PLD1: variants seen among roughly 807,000 people sequenced by gnomAD.
PLD1 encodes the protein choline phosphatase 1.
PLD1 carries 112 observed loss-of-function variants against 137.1 expected under a neutral mutation model. The observed-to-expected ratio is 0.82, with a 90% CI of 0.70 to 0.96. The LOEUF is 0.96. Ranked by LOEUF, PLD1 falls within the 40% of genes least tolerant of loss-of-function variation. The pLI, the probability that PLD1 is intolerant of heterozygous loss-of-function variation, is 0.00. For missense variants in PLD1, 1,321 were observed against 1,342.0 expected (o/e 0.98, Z 0.24); for synonymous variants, 431 against 454.7 (o/e 0.95, Z 0.66).
chr3:171,619,627 C>T (rs773407075), intron 24 of PLD1, among the ~76,000 whole-genome samples: 2 of 152,166 alleles, frequency 1.3e-5, no homozygotes, highest in Non-Finnish European at 2.9e-5. Flanking sequence ...ATTTTACCAT[C>T]CTTCTGATTT....
intron 16 of PLD1, among the ~76,000 whole-genome samples, chr3:171,684,178 C>T (rs1259412469): frequency 2.0e-5 from 3 of 152,202 alleles, no homozygotes; most frequent in African/African-American, 7.2e-5. Context: ...GCGTGAGTTA[C>T]TTACTGGACT....
chr3:171,684,360 C>A (rs1387974485), intron 16 of PLD1, among the ~76,000 whole-genome samples: 9 of 152,126 alleles, frequency 5.9e-5, no homozygotes, highest in Non-Finnish European at 1.2e-4. Flanking sequence ...AAGGCACTAC[C>A]TGGAGCTGTT....
At chr3:171,667,564 A>G (rs1293660500) in intron 19 of PLD1, among the ~76,000 whole-genome samples, 1 of 152,226 alleles carries the variant, frequency 6.6e-6, no homozygotes, top group Non-Finnish European at 1.5e-5. Flanking sequence ...AGAAAGAAGC[A>G]AAAGGAGAGT....
At chr3:171,808,024 G>A (rs898849543) in intron 1 of PLD1, among the ~76,000 whole-genome samples, 3 of 152,136 alleles carry the variant, frequency 2.0e-5, no homozygotes, top group Non-Finnish European at 4.4e-5. Context: ...GGTAAACATT[G>A]GGTACTTATG....
At chr3:171,788,137 T>A (rs1390154294) in intron 1 of PLD1, among the ~76,000 whole-genome samples, 1 of 150,986 alleles carries the variant, frequency 6.6e-6, no homozygotes, top group Middle Eastern at 3.2e-3. Context: ...GAGGTTGCTG[T>A]GAGCTGAGAT....
intron 23 of PLD1, among the ~76,000 whole-genome samples, chr3:171,640,528 T>G (rs1735648100): frequency 6.6e-6 from 1 of 152,214 alleles, no homozygotes; most frequent in Non-Finnish European, 1.5e-5. Context: ...AGAACATACT[T>G]TATACAATTC....
At chr3:171,682,166 A>AAGAAAGAAAGAAAGAAAGAG (rs1553819289) in intron 16 of PLD1, among the ~76,000 whole-genome samples, 3 of 29,444 alleles carry the variant, frequency 1.0e-4, no homozygotes, top group African/African-American at 1.8e-4. Context: ...GAAAGAAAGA[A>AAGAAAGAAAGAAAGAAAGAG]AAAGAAAGAA....
At chr3:171,708,627 G>C in intron 11 of PLD1, 128 bp downstream of exon 11, 2 of 572,248 alleles carry the variant, frequency 3.5e-6, no homozygotes, top group East Asian at 2.8e-5. Flanking sequence ...AACTGGTTGA[G>C]ACCCTGGCCA....
Position 171,693,664 on chromosome 3 carries a change from A to G in PLD1, c.1228-1222T>C, listed in dbSNP as rs552384030. ...CTGAAAGCATTCTGAAACATTTTGC[A>G]TATATACTGGATTATGTATCTAAAT... On this transcript the variant is annotated intron_variant, in intron 12 of 26. Coordinates refer to ENST00000351298, the MANE Select transcript of PLD1 (RefSeq NM_002662.5). Among the ~76,000 whole-genome samples, 12 of 152,276 alleles carry G rather than the reference A, an allele frequency of 7.9e-5. No homozygotes were observed. The South Asian group carries it at 1.5e-3, about 18-fold the overall frequency.
chr3:171,692,581 C>T lies in PLD1; in HGVS notation c.1228-139G>A, dbSNP rs140782934. The T allele has an allele frequency of 2.0e-3, 1,128 of 573,612 alleles. 9 individuals are homozygous for T. Among genetic ancestry groups the T allele is most frequent in the South Asian group, 5.2e-3 (247 of 47,222 alleles). 35.5% of individuals were successfully genotyped at this position (573,612 alleles called of 1,614,324 possible). ...TGTCACCCAGCCTGGAGTGCAGTGG[C>T]GCAATCTCGGCTCACTGCAACCTCC... On this transcript the variant is annotated intron_variant, in intron 12 of 26. Coordinates refer to ENST00000351298, the MANE Select transcript of PLD1 (RefSeq NM_002662.5).
At chr3:171,624,472 C>A (rs974989198) in intron 23 of PLD1, among the ~76,000 whole-genome samples, 2 of 151,988 alleles carry the variant, frequency 1.3e-5, no homozygotes, top group African/African-American at 2.4e-5. Flanking sequence ...CAATATCTAA[C>A]AAAGCTACCT....
intron 8 of PLD1, among the ~76,000 whole-genome samples, chr3:171,715,400 C>G (rs2108219683): frequency 6.6e-6 from 1 of 152,180 alleles, no homozygotes; most frequent in East Asian, 1.9e-4. Flanking sequence ...ATGCCTCTAG[C>G]TTTGGTTTGT....
chr3:171,802,618 A>G (rs984592122), intron 1 of PLD1, among the ~76,000 whole-genome samples: 17 of 152,230 alleles, frequency 1.1e-4, no homozygotes, highest in Admixed American at 3.3e-4. Flanking sequence ...CAGAAAGGTG[A>G]GAAACAAGTT....
In PLD1 at chr3:171,688,777, TC is replaced by T; in HGVS notation, c.1437del (p.Ile480LeufsTer21). On this transcript the variant is annotated frameshift_variant, in exon 14 of 27. Coordinates refer to ENST00000351298, the MANE Select transcript of PLD1 (RefSeq NM_002662.5). LOFTEE classifies it high-confidence loss of function. ...TCCCACCTTCCATAGGCCAGGTCAATCCCTCCCACAAAGGCCACCGATTGGT... is the reference window on the plus strand; with the variant it reads ...TCCCACCTTCCATAGGCCAGGTCAATCCTCCCACAAAGGCCACCGATTGGT... ...IIDQSVAFVG[G>X]IDLAYGRWDD... is the part of the protein sequence containing the mutation. 3 of 1,614,028 alleles carry T rather than the reference TC, an allele frequency of 1.9e-6. No individual in the cohort carries two copies. Among genetic ancestry groups the T allele is most frequent in the Non-Finnish European group, 2.5e-6 (3 of 1,179,980 alleles).
intron 1 of PLD1, among the ~76,000 whole-genome samples, chr3:171,759,950 G>C (rs763276509): frequency 1.3e-5 from 2 of 152,158 alleles, no homozygotes; most frequent in Non-Finnish European, 2.9e-5. Context: ...CAGAAGCTCT[G>C]CTATTTTGCT....
chr3:171,713,225 C>T lies in PLD1; in HGVS notation c.911+668G>A, dbSNP rs552954344. On this transcript the variant is annotated intron_variant, in intron 9 of 26. Transcript: ENST00000351298. ...CTGTTATCCCAGCACTGTGGAAGGC[C>T]GAGGCAGACAGATCACTTGAGGTCA... Among the ~76,000 whole-genome samples the T allele has an allele frequency of 3.9e-5, 6 of 152,248 alleles. No homozygotes were observed. The East Asian group carries it at 9.6e-4, about 24-fold the overall frequency.
chr3:171,608,004 G>T (rs958990470), intron 25 of PLD1, among the ~76,000 whole-genome samples: 7 of 152,132 alleles, frequency 4.6e-5, no homozygotes, highest in African/African-American at 1.4e-4. Context: ...TTATCTTTGG[G>T]AATGTTTCCT....
At chr3:171,719,165 C>A (rs1308119584) in intron 8 of PLD1, among the ~76,000 whole-genome samples, 1 of 152,130 alleles carries the variant, frequency 6.6e-6, no homozygotes, top group Admixed American at 6.5e-5. Context: ...TGGATGGTCT[C>A]TTCTTGTCAA....
Position 171,600,701 on chromosome 3 carries a change from C to T in PLD1, c.*2377G>A, listed in dbSNP as rs1244474872. Reference sequence around the variant, plus strand: ...AAAGCAATTATTGCACTGAATTTTCCATAAAATCCCTCCAAGTAAATCTTA... The same window carrying T: ...AAAGCAATTATTGCACTGAATTTTCTATAAAATCCCTCCAAGTAAATCTTA... On this transcript the variant is annotated 3_prime_UTR_variant, in exon 27 of 27. Transcript: ENST00000351298. 1 of 150,866 alleles carries T rather than the reference C, an allele frequency of 6.6e-6. No homozygotes were observed. Among genetic ancestry groups the T allele is most frequent in the Non-Finnish European group, 1.5e-5 (1 of 67,836 alleles). 9.3% of individuals were successfully genotyped at this position (150,866 alleles called of 1,614,324 possible). A position where few individuals can be genotyped will look rare whatever the true frequency, so the allele number is the denominator to read the frequency against.
Sources: gnomAD v4.1 joint callset for allele counts (sites outside exome capture counted in the v4.1 genomes callset) on GRCh38, gnomAD v4.1.1 for gene constraint, MANE v1.5 for transcripts, NCBI Gene and HGNC (gene_info 2026-07-23, HGNC 2026-07-21) for gene names.